BTBD9: variants seen among roughly 807,000 people sequenced by gnomAD.
BTBD9 encodes the protein BTB domain containing 9, also known as BTB/POZ domain-containing protein 9.
Under a neutral mutation model 64.3 loss-of-function variants are expected in BTBD9, and 49 were observed. The ratio of observed to expected loss-of-function variants is 0.76; its 90% confidence interval spans 0.61 to 0.97. BTBD9 has a LOEUF of 0.97. Ranked by LOEUF, BTBD9 falls within the 50% of genes least tolerant of loss-of-function variation. BTBD9 has a pLI of 0.00. For missense variants in BTBD9, 598 were observed against 762.1 expected, an observed-to-expected ratio of 0.78 and a Z score of 2.53; for synonymous variants, 260 against 274.7, an observed-to-expected ratio of 0.95 and a Z score of 0.53.
intron 6 of BTBD9, among the ~76,000 whole-genome samples, chr6:38,476,691 C>T (rs1180075147): frequency 6.6e-6 from 1 of 152,140 alleles, no homozygotes; most frequent in Non-Finnish European, 1.5e-5. Flanking sequence ...CTGTTGTGAA[C>T]TCTGACAATT....
At chr6:38,637,965 C>A (rs1330962038) in intron 1 of BTBD9, among the ~76,000 whole-genome samples, 1 of 152,216 alleles carries the variant, frequency 6.6e-6, no homozygotes. Flanking sequence ...GCCTTCCCAA[C>A]CTGCTAAGCC....
intron 7 of BTBD9, among the ~76,000 whole-genome samples, chr6:38,326,707 A>G (rs1441729089): frequency 6.6e-6 from 1 of 151,372 alleles, no homozygotes; most frequent in African/African-American, 2.4e-5. Context: ...TGTGCTTCCA[A>G]CTTTTTATAA....
chr6:38,621,662 T>C (rs959319171), intron 1 of BTBD9, among the ~76,000 whole-genome samples: 1 of 152,172 alleles, frequency 6.6e-6, no homozygotes, highest in Non-Finnish European at 1.5e-5. Context: ...CATGCTGCAA[T>C]ATGGAAAGAA....
intron 6 of BTBD9, among the ~76,000 whole-genome samples, chr6:38,436,007 A>G (rs1327611965): frequency 1.3e-5 from 2 of 151,812 alleles, no homozygotes; most frequent in Non-Finnish European, 2.9e-5. Flanking sequence ...CCAAGGGGAC[A>G]TTCAATATTA....
chr6:38,327,611 G>A (rs1763491490), intron 7 of BTBD9, among the ~76,000 whole-genome samples: 1 of 152,092 alleles, frequency 6.6e-6, no homozygotes, highest in Non-Finnish European at 1.5e-5. Flanking sequence ...CATATTTTAA[G>A]TGTACAATGT....
At chr6:38,613,268 G>A (rs981215164) in intron 1 of BTBD9, among the ~76,000 whole-genome samples, 4 of 152,088 alleles carry the variant, frequency 2.6e-5, no homozygotes, top group South Asian at 2.1e-4. Flanking sequence ...GTTTGACAGC[G>A]CTGCTTTAGA....
At position 38,184,083 on chromosome 6, in the gene BTBD9, A is replaced by G. The variant is rs1031552332; in HGVS notation, c.1641+8436T>C. On this transcript the variant is annotated intron_variant, in intron 10 of 10. Coordinates refer to ENST00000481247, the MANE Select transcript of BTBD9 (RefSeq NM_001099272.2). The surrounding 1 kb of genome is among the most constrained non-coding windows in gnomAD (Gnocchi z 4.4). ...GGCTTCTGTCCTTCAACACGCCGTT[A>G]TGTTCATCCACCCACAGTCCCTGCA... Among the ~76,000 whole-genome samples the G allele has an allele frequency of 8.5e-5, 13 of 152,164 alleles. No homozygotes were observed. The highest frequency in any genetic ancestry group is 3.1e-4 in the African/African-American group (13 of 41,422).
chr6:38,555,982 T>G lies in BTBD9; in HGVS notation c.1154+21618A>C, dbSNP rs116781161. Among the ~76,000 whole-genome samples the G allele has an allele frequency of 7.4e-3, 1,132 of 152,300 alleles. 12 individuals carry two copies. Among genetic ancestry groups the G allele is most frequent in the African/African-American group, 0.026 (1,076 of 41,560 alleles). On this transcript the variant is annotated intron_variant, in intron 6 of 10. Coordinates refer to ENST00000481247, the MANE Select transcript of BTBD9 (RefSeq NM_001099272.2). ...GAATTCACAGGGATGAATGTTTGAG[T>G]GGGAACTAATTTTACACGTGGACAG...
At chr6:38,257,296 T>C (rs1764626808) in intron 8 of BTBD9, among the ~76,000 whole-genome samples, 1 of 152,038 alleles carries the variant, frequency 6.6e-6, no homozygotes, top group African/African-American at 2.4e-5. Flanking sequence ...CTCCAACTCC[T>C]GGGCTCAAGT....
chr6:38,277,577 G>A (rs1212833764), intron 8 of BTBD9, among the ~76,000 whole-genome samples: 4 of 152,002 alleles, frequency 2.6e-5, no homozygotes, highest in African/African-American at 4.8e-5. Context: ...CAGGTGATCC[G>A]CCTGCCTTGG....
At chr6:38,198,335 C>T (rs976291560) in intron 9 of BTBD9, among the ~76,000 whole-genome samples, 5 of 151,886 alleles carry the variant, frequency 3.3e-5, no homozygotes, top group African/African-American at 9.7e-5. Flanking sequence ...CCAGCTGTGT[C>T]ACCATCGGAA....
At chr6:38,545,152 C>T (rs949840523) in intron 6 of BTBD9, among the ~76,000 whole-genome samples, 10 of 151,760 alleles carry the variant, frequency 6.6e-5, no homozygotes, top group African/African-American at 1.9e-4. Context: ...AGTGTGGAGG[C>T]GCAATCTCAG....
chr6:38,266,637 A>AG (rs1491478446), intron 8 of BTBD9, among the ~76,000 whole-genome samples: 5 of 115,130 alleles, frequency 4.3e-5, no homozygotes, highest in African/African-American at 4.3e-5. Context: ...AAAGAAAGAA[A>AG]GAAAGAAAGA....
chr6:38,204,922 A>G (rs1423803499), intron 9 of BTBD9, among the ~76,000 whole-genome samples: 1 of 152,234 alleles, frequency 6.6e-6, no homozygotes, highest in Non-Finnish European at 1.5e-5. Context: ...ATGATATGAA[A>G]AAATAACATT....
At chr6:38,405,383 C>T (rs1301517334) in intron 6 of BTBD9, among the ~76,000 whole-genome samples, 1 of 152,146 alleles carries the variant, frequency 6.6e-6, no homozygotes, top group East Asian at 1.9e-4. Context: ...AGTAATGATT[C>T]CTGCCAGTCA....
chr6:38,497,498 G>C (rs1188544501), intron 6 of BTBD9, among the ~76,000 whole-genome samples: 1 of 152,060 alleles, frequency 6.6e-6, no homozygotes, highest in Non-Finnish European at 1.5e-5. Context: ...AAAATGATCA[G>C]GTTTCCCGGA....
At chr6:38,628,855 C>T (rs1248124096) in intron 1 of BTBD9, among the ~76,000 whole-genome samples, 1 of 151,898 alleles carries the variant, frequency 6.6e-6, no homozygotes, top group Non-Finnish European at 1.5e-5. Flanking sequence ...AATTTTCTAC[C>T]AAGTGTTCCT....
chr6:38,611,899 T>A (rs757537873), intron 1 of BTBD9, among the ~76,000 whole-genome samples: 1 of 152,208 alleles, frequency 6.6e-6, no homozygotes, highest in Non-Finnish European at 1.5e-5. Flanking sequence ...ACCACTTAAT[T>A]ATCATACTGC....
In BTBD9 at chr6:38,336,534, AACTC is replaced by A. The variant is rs145413714; in HGVS notation, c.1264+8446_1264+8449del. ...TTATAAAACCATTAGCTCTTGTGAG[AACTC>A]ACTCACTATCACAAGAACAGCATGG... On this transcript the variant is annotated intron_variant, in intron 7 of 10. Coordinates refer to ENST00000481247, the MANE Select transcript of BTBD9 (RefSeq NM_001099272.2). Among the ~76,000 whole-genome samples, 835 of 152,248 alleles carry A rather than the reference AACTC, an allele frequency of 5.5e-3. 53 individuals carry two copies. In the East Asian group the frequency reaches 0.15, roughly 27 times the overall value.
Sources: allele counts gnomAD v4.1 joint callset (sites outside exome capture counted in the v4.1 genomes callset), GRCh38; gene constraint gnomAD v4.1.1; non-coding constraint Gnocchi (gnomAD v3.1); transcripts MANE v1.5; gene names NCBI Gene and HGNC (gene_info 2026-07-23, HGNC 2026-07-21).